Variants in ATP13A4 observed in about 807,000 individuals in gnomAD.
The protein encoded by ATP13A4 is ATPase 13A4.
ATP13A4 carries 114 observed loss-of-function variants against 142.5 expected under a neutral mutation model. The ratio of observed to expected loss-of-function variants is 0.80; its 90% confidence interval spans 0.69 to 0.93. ATP13A4 has a LOEUF of 0.93. Ranked by LOEUF, ATP13A4 falls within the 40% of genes least tolerant of loss-of-function variation. The pLI, the probability that ATP13A4 is intolerant of heterozygous loss-of-function variation, is 0.00. For missense variants in ATP13A4, 1,392 were observed against 1,454.0 expected (o/e 0.96, Z 0.69); for synonymous variants, 488 against 514.8 (o/e 0.95, Z 0.70).
chr3:193,526,343 C>G (rs887114665), intron 1 of ATP13A4, among the ~76,000 whole-genome samples: 3 of 152,150 alleles, frequency 2.0e-5, no homozygotes, highest in Admixed American at 6.5e-5. Flanking sequence ...CAAACTAACA[C>G]AGGAACAGAA....
chr3:193,592,453 G>A (rs142910145), intron 1 of ATP13A4, among the ~76,000 whole-genome samples: 1 of 152,150 alleles, frequency 6.6e-6, no homozygotes, highest in Non-Finnish European at 1.5e-5. Context: ...GATGGCCAGA[G>A]AGCCAAAAGA....
At chr3:193,540,712 T>TTAA (rs143582189) in intron 1 of ATP13A4, among the ~76,000 whole-genome samples, 20,329 of 151,714 alleles carry the variant, frequency 0.13, 1,468 homozygotes, top group Non-Finnish European at 0.16. Flanking sequence ...ATTAAGTATT[T>TTAA]TAATATGAGG....
At chr3:193,511,616 C>T (rs1303657585) in intron 2 of ATP13A4, among the ~76,000 whole-genome samples, 1 of 152,226 alleles carries the variant, frequency 6.6e-6, no homozygotes, top group African/African-American at 2.4e-5. Flanking sequence ...TGGTGTTTGA[C>T]AATGCATTTT....
At chr3:193,524,214 G>A (rs1294743996) in intron 1 of ATP13A4, among the ~76,000 whole-genome samples, 1 of 152,206 alleles carries the variant, frequency 6.6e-6, no homozygotes, top group Non-Finnish European at 1.5e-5. Context: ...ACCTGAAAGG[G>A]TGGGGGTATG....
intron 14 of ATP13A4, among the ~76,000 whole-genome samples, chr3:193,458,270 T>C (rs1270327373): frequency 6.6e-6 from 1 of 152,242 alleles, no homozygotes; most frequent in Non-Finnish European, 1.5e-5. Flanking sequence ...GCAGGTCCCT[T>C]AGTCCTCATC....
intron 2 of ATP13A4, among the ~76,000 whole-genome samples, chr3:193,580,895 T>C (rs1265074039): frequency 6.6e-6 from 1 of 152,206 alleles, no homozygotes; most frequent in Non-Finnish European, 1.5e-5. Flanking sequence ...AAAGCAGTGT[T>C]GTGCTGCTCA....
In ATP13A4 at chr3:193,400,250, C is replaced by T. The variant is rs1714221095; in HGVS notation, c.*2402G>A. ...TAAGATGTAGTTAATCCCAGGAATA[C>T]AGTCTTCAAAATGAGTCTCTTTTCC... is the stretch of plus-strand genomic sequence containing the variant. On this transcript the variant is annotated 3_prime_UTR_variant, in exon 30 of 30. Transcript: ENST00000342695. Among the ~76,000 whole-genome samples the T allele has an allele frequency of 2.0e-5, 3 of 152,334 alleles. No homozygotes were observed. In the South Asian group the frequency reaches 6.2e-4, roughly 32 times the overall value.
chr3:193,571,779 G>A (rs984990367), intron 2 of ATP13A4, among the ~76,000 whole-genome samples: 4 of 152,022 alleles, frequency 2.6e-5, no homozygotes, highest in Non-Finnish European at 5.9e-5. Flanking sequence ...TGAGCCTAAG[G>A]AGACATAACG....
At position 193,554,810 on chromosome 3, in the gene ATP13A4, T is replaced by C. The variant is rs181943176; in HGVS notation, c.-11A>G. 5.6e-6 allele frequency: 9 copies of C among 1,613,988 alleles called. No homozygotes were observed. The East Asian group carries it at 8.9e-5, about 16-fold the overall frequency. On this transcript the variant is annotated 5_prime_UTR_variant, in exon 1 of 30. Transcript: ENST00000342695. ...CTCAAAGTGTCCCATGAAAAAGTTA[T>C]TCCACACCTCCTCCCTGACCTTGTC... is the stretch of plus-strand genomic sequence containing the variant.
At chr3:193,459,862 T>C (rs1483490630) in intron 13 of ATP13A4, among the ~76,000 whole-genome samples, 3 of 152,148 alleles carry the variant, frequency 2.0e-5, no homozygotes, top group Non-Finnish European at 4.4e-5. Flanking sequence ...AAAAAGCTAT[T>C]AAAATACAAC....
intron 2 of ATP13A4, among the ~76,000 whole-genome samples, chr3:193,510,560 A>T (rs1335512161): frequency 2.6e-5 from 4 of 152,214 alleles, no homozygotes; most frequent in African/African-American, 9.6e-5. Context: ...TATTGGTTAA[A>T]AATCAGAAGT....
chr3:193,561,809 C>A (rs1724022585), intron 2 of ATP13A4, among the ~76,000 whole-genome samples: 1 of 152,214 alleles, frequency 6.6e-6, no homozygotes, highest in Non-Finnish European at 1.5e-5. Context: ...AGCCCCCCAG[C>A]TTCCAATCTA....
At chr3:193,568,116 C>G (rs1244939184) in intron 2 of ATP13A4, among the ~76,000 whole-genome samples, 1 of 152,092 alleles carries the variant, frequency 6.6e-6, no homozygotes, top group African/African-American at 2.4e-5. Flanking sequence ...CATGCCACCA[C>G]ACCCGGCTAA....
At chr3:193,421,210 A>G (rs1029662986) in intron 25 of ATP13A4, among the ~76,000 whole-genome samples, 3 of 150,050 alleles carry the variant, frequency 2.0e-5, no homozygotes, top group African/African-American at 4.9e-5. Flanking sequence ...CCATTAGACT[A>G]TCAACAGATT....
At chr3:193,434,219 T>C (rs540856180) in intron 24 of ATP13A4, among the ~76,000 whole-genome samples, 1 of 152,312 alleles carries the variant, frequency 6.6e-6, no homozygotes, top group African/African-American at 2.4e-5. Context: ...ATCTCTGCTC[T>C]CTTTTCTACT....
At chr3:193,446,418 T>A (rs1716958007) in intron 18 of ATP13A4, among the ~76,000 whole-genome samples, 1 of 152,198 alleles carries the variant, frequency 6.6e-6, no homozygotes, top group African/African-American at 2.4e-5. Context: ...CAGGGATTGA[T>A]TCTAAGGCCT....
chr3:193,408,431 T>C (rs1360476102), intron 28 of ATP13A4, among the ~76,000 whole-genome samples: 1 of 152,198 alleles, frequency 6.6e-6, no homozygotes, highest in Non-Finnish European at 1.5e-5. Flanking sequence ...TATATTAGCA[T>C]TAAAAAGAAT....
chr3:193,433,844 C>T lies in ATP13A4; in HGVS notation c.2842+1G>A. On this transcript the variant is annotated splice_donor_variant, in intron 25 of 29. Coordinates refer to ENST00000342695, the MANE Select transcript of ATP13A4 (RefSeq NM_032279.4). LOFTEE classifies it high-confidence loss of function. ...GGTAAGAAAGTTTTAAAATGTCTTACTTGTTACACCAATAAGAGTTGTAAT... is the reference window on the plus strand; with the variant it reads ...GGTAAGAAAGTTTTAAAATGTCTTATTTGTTACACCAATAAGAGTTGTAAT... The T allele has an allele frequency of 6.2e-7, 1 of 1,611,284 alleles. No individual in the cohort carries two copies. Among genetic ancestry groups the T allele is most frequent in the Non-Finnish European group, 8.5e-7 (1 of 1,177,464 alleles).
intron 16 of ATP13A4, among the ~76,000 whole-genome samples, chr3:193,456,672 G>A (rs1717631305): frequency 6.6e-6 from 1 of 152,192 alleles, no homozygotes; most frequent in Admixed American, 6.5e-5. Flanking sequence ...TTGAAGTGAT[G>A]AAGAATGATG....
Sources: allele counts gnomAD v4.1 joint callset (sites outside exome capture counted in the v4.1 genomes callset), GRCh38; gene constraint gnomAD v4.1.1; transcripts MANE v1.5; gene names NCBI Gene and HGNC (gene_info 2026-07-23, HGNC 2026-07-21).